Variants in SUPT3H observed in about 807,000 individuals in gnomAD.
SUPT3H encodes SPT3 homolog, SAGA and STAGA complex component.
SUPT3H carries 44 observed loss-of-function variants against 44.3 expected under a neutral mutation model. The ratio of observed to expected loss-of-function variants is 0.99; its 90% CI spans 0.78 to 1.28. SUPT3H has a LOEUF of 1.28. SUPT3H is among the 50% of genes most tolerant of loss of function. The pLI, the probability that SUPT3H is intolerant of heterozygous loss-of-function variation, is 0.00. For synonymous variants in SUPT3H, 124 were observed against 125.6 expected (o/e 0.99, Z 0.09); for missense variants, 380 against 387.1 (o/e 0.98, Z 0.15).
chr6:45,358,509 AT>A (rs1452725365), intron 2 of SUPT3H, among the ~76,000 whole-genome samples: 9 of 152,126 alleles, frequency 5.9e-5, no homozygotes, highest in Non-Finnish European at 1.3e-4. Flanking sequence ...CTATACTTGA[AT>A]TACTTTTTAT....
intron 2 of SUPT3H, among the ~76,000 whole-genome samples, chr6:45,306,816 G>A (rs989114663): frequency 4.6e-5 from 7 of 152,214 alleles, no homozygotes; most frequent in South Asian, 2.1e-4. Context: ...CCCACTGAGC[G>A]TGAGCCAAAG....
intron 3 of SUPT3H, among the ~76,000 whole-genome samples, chr6:45,094,678 TATTA>T (rs1797573109): frequency 6.6e-6 from 1 of 151,344 alleles, no homozygotes; most frequent in African/African-American, 2.5e-5. Context: ...AATAGTTACT[TATTA>T]TTTTTTTAAA....
chr6:45,323,077 G>T, intron 2 of SUPT3H: 1 of 657,936 alleles, frequency 1.5e-6, no homozygotes, highest in Non-Finnish European at 2.5e-6. Context: ...TACTGTGCCG[G>T]TTGTGAAACA....
At chr6:45,164,654 T>A (rs1374344957) in intron 2 of SUPT3H, among the ~76,000 whole-genome samples, 1 of 152,088 alleles carries the variant, frequency 6.6e-6, no homozygotes, top group Admixed American at 6.6e-5. Flanking sequence ...AAAGTTCCCC[T>A]AAGGTCAGAG....
Position 45,014,829 on chromosome 6 carries a change from T to G in SUPT3H, c.336A>C (p.Lys112Asn), listed in dbSNP as rs779992102. The change falls in exon 5 of 11, where the codon AAA (lysine) becomes AAC (asparagine). Residue 112 changes from lysine to asparagine, a missense_variant. Transcript: ENST00000371459. Reference protein sequence around the residue: ...FIRDYKSKIVKGIDEDDLLED... With the variant: ...FIRDYKSKIVNGIDEDDLLED... Reference sequence around the variant, plus strand: ...CGAGAAGATCATCCTCATCGATGCCTTTGACAATCTTTGATTTGTAGTCTC... The same window carrying G: ...CGAGAAGATCATCCTCATCGATGCCGTTGACAATCTTTGATTTGTAGTCTC... 1.3e-6 allele frequency: 2 copies of G among 1,592,784 alleles called. No homozygotes were observed. The highest frequency in any genetic ancestry group is 1.7e-6 in the Non-Finnish European group (2 of 1,171,056).
intron 11 of SUPT3H, among the ~76,000 whole-genome samples, chr6:44,819,292 C>T (rs963591146): frequency 2.6e-5 from 4 of 151,946 alleles, no homozygotes; most frequent in Non-Finnish European, 4.4e-5. Context: ...ATGATAGGGA[C>T]AGAATGAGTG....
chr6:45,309,452 C>G (rs943068940), intron 2 of SUPT3H, among the ~76,000 whole-genome samples: 8 of 147,424 alleles, frequency 5.4e-5, no homozygotes, highest in Non-Finnish European at 1.0e-4. Flanking sequence ...AATATATAGT[C>G]AAAAGAGAAA....
At chr6:45,237,576 A>G (rs1769417462) in intron 2 of SUPT3H, among the ~76,000 whole-genome samples, 1 of 152,204 alleles carries the variant, frequency 6.6e-6, no homozygotes, top group Non-Finnish European at 1.5e-5. Context: ...AACTGCTTCA[A>G]GCGGAAAGAC....
chr6:44,950,885 T>G (rs1301513939), intron 9 of SUPT3H, among the ~76,000 whole-genome samples: 1 of 151,266 alleles, frequency 6.6e-6, no homozygotes, highest in Non-Finnish European at 1.5e-5. Context: ...AGTTTTAGGG[T>G]ACATGTGCAC....
chr6:45,075,050 C>G (rs1794834836), intron 3 of SUPT3H, among the ~76,000 whole-genome samples: 1 of 152,026 alleles, frequency 6.6e-6, no homozygotes, highest in Non-Finnish European at 1.5e-5. Flanking sequence ...CTTTAAATCT[C>G]TCTCCTAAGG....
chr6:45,259,286 C>T (rs983584102), intron 2 of SUPT3H, among the ~76,000 whole-genome samples: 4 of 151,858 alleles, frequency 2.6e-5, no homozygotes, highest in African/African-American at 4.8e-5. Context: ...TAAGTAATTA[C>T]AAAGAATGGC....
chr6:44,836,033 A>C (rs537534786), intron 10 of SUPT3H, among the ~76,000 whole-genome samples: 10 of 152,252 alleles, frequency 6.6e-5, no homozygotes, highest in South Asian at 2.1e-4. Context: ...AAAGCTATGC[A>C]ATCGCTTTTT....
At chr6:45,347,658 T>C (rs1351120644) in intron 2 of SUPT3H, among the ~76,000 whole-genome samples, 1 of 152,082 alleles carries the variant, frequency 6.6e-6, no homozygotes, top group Non-Finnish European at 1.5e-5. Flanking sequence ...AAAAAAATTT[T>C]AAATAAAAGA....
chr6:45,310,669 G>A (rs1783804400), intron 2 of SUPT3H, among the ~76,000 whole-genome samples: 2 of 152,266 alleles, frequency 1.3e-5, no homozygotes, highest in Middle Eastern at 3.4e-3. Flanking sequence ...GCTAGACCCA[G>A]AAGAGAGAAA....
chr6:45,203,846 CTT>C (rs1196505944), intron 2 of SUPT3H, among the ~76,000 whole-genome samples: 1 of 152,150 alleles, frequency 6.6e-6, no homozygotes, highest in Non-Finnish European at 1.5e-5. Context: ...GACCATCCCT[CTT>C]ATGAAACATG....
chr6:44,996,440 T>C (rs1169897819), intron 6 of SUPT3H, among the ~76,000 whole-genome samples: 1 of 151,908 alleles, frequency 6.6e-6, no homozygotes, highest in Non-Finnish European at 1.5e-5. Flanking sequence ...TTTTGTGTTT[T>C]TGAAACAGAC....
intron 2 of SUPT3H, among the ~76,000 whole-genome samples, chr6:45,202,785 A>G (rs1438121360): frequency 6.6e-6 from 1 of 152,156 alleles, no homozygotes; most frequent in Non-Finnish European, 1.5e-5. Context: ...TTAATGAACT[A>G]AAGAGCAAAT....
intron 3 of SUPT3H, among the ~76,000 whole-genome samples, chr6:45,104,881 T>C (rs895371583): frequency 4.6e-5 from 7 of 151,866 alleles, no homozygotes; most frequent in African/African-American, 1.7e-4. Flanking sequence ...TCAATAAACA[T>C]ACCAATGAAA....
At chr6:44,954,303 C>T (rs1774775122) in intron 8 of SUPT3H, among the ~76,000 whole-genome samples, 192 bp downstream of exon 8, 1 of 152,068 alleles carries the variant, frequency 6.6e-6, no homozygotes, top group African/African-American at 2.4e-5. Flanking sequence ...CTTTTTTATC[C>T]TAGCATCCAC....
Sources: allele counts gnomAD v4.1 joint callset (sites outside exome capture counted in the v4.1 genomes callset), GRCh38; gene constraint gnomAD v4.1.1; transcripts MANE v1.5; gene names NCBI Gene and HGNC (gene_info 2026-07-23, HGNC 2026-07-21).